AFF2: variants seen among roughly 807,000 people sequenced by gnomAD.
AFF2 encodes ALF transcription elongation factor 2.
AFF2 carries 14 observed loss-of-function variants against 76.9 expected under a neutral mutation model. The observed-to-expected ratio is 0.18, with a 90% CI of 0.12 to 0.28. The LOEUF is 0.28. Ranked by LOEUF, AFF2 falls within the 10% of genes least tolerant of loss-of-function variation. The pLI is 1.00. For synonymous variants in AFF2, 398 were observed against 366.7 expected, an observed-to-expected ratio of 1.09 and a Z score of -0.98; for missense variants, 868 against 1,001.1, an observed-to-expected ratio of 0.87 and a Z score of 1.79.
intron 1 of AFF2, among the ~76,000 whole-genome samples, chrX:148,522,406 A>G (rs1471993808): frequency 8.9e-6 from 1 of 112,489 alleles, no homozygotes; most frequent in Non-Finnish European, 1.9e-5. Context: ...TTAAGAGGTG[A>G]GAGTGGACTT....
chrX:148,621,177 CT>C (rs1431480162), intron 1 of AFF2, among the ~76,000 whole-genome samples: 1 of 111,605 alleles, frequency 9.0e-6, no homozygotes, highest in Non-Finnish European at 1.9e-5. Flanking sequence ...AGCAAGAGCC[CT>C]TTTATTGGAC....
rs1291540362 is a variant in AFF2, at chrX:148,995,208, C to T, written c.*3876C>T. On this transcript the variant is annotated 3_prime_UTR_variant, in exon 21 of 21. Coordinates refer to ENST00000370460, the MANE Select transcript of AFF2 (RefSeq NM_002025.4). ...TTATTCTCATAATTAAAATCTAATT[C>T]ATTTTCTCTTTAGTGTTAGTAGACT... 1 of 110,633 alleles carries T rather than the reference C, an allele frequency of 9.0e-6. No individual in the cohort carries two copies. The highest frequency in any genetic ancestry group is 2.9e-4 in the East Asian group (1 of 3,502). 9.1% of individuals were successfully genotyped at this position (110,633 alleles called of 1,213,427 possible).
At chrX:148,903,209 G>A (rs1412875032) in intron 8 of AFF2, among the ~76,000 whole-genome samples, 1 of 110,840 alleles carries the variant, frequency 9.0e-6, no homozygotes, top group African/African-American at 3.3e-5. Flanking sequence ...CAAACATAAC[G>A]TCTATAGCCT....
At chrX:148,566,120 A>G (rs1437377317) in intron 1 of AFF2, among the ~76,000 whole-genome samples, 3 of 111,508 alleles carry the variant, frequency 2.7e-5, no homozygotes, top group African/African-American at 9.8e-5. Context: ...CACTTGCAAC[A>G]ACTCTGTGAG....
chrX:148,781,219 G>A (rs1422067125), intron 3 of AFF2, among the ~76,000 whole-genome samples: 1 of 112,090 alleles, frequency 8.9e-6, no homozygotes, highest in Non-Finnish European at 1.9e-5. Context: ...CCCACTTGAG[G>A]AGGCAGTCTG....
chrX:148,852,593 A>C lies in AFF2; in HGVS notation c.1262+9160A>C, dbSNP rs187752116. Reference sequence around the variant, plus strand: ...TTTTTGTATATCACATGGTACAGAAAGAAACGAAGAAAACAATCTGGATGT... The same window carrying C: ...TTTTTGTATATCACATGGTACAGAACGAAACGAAGAAAACAATCTGGATGT... On this transcript the variant is annotated intron_variant, in intron 7 of 20. Coordinates refer to ENST00000370460, the MANE Select transcript of AFF2 (RefSeq NM_002025.4). 5.8e-3 allele frequency among the ~76,000 whole-genome samples: 646 copies of C among 111,432 alleles called. 5 individuals carry two copies. Among genetic ancestry groups the C allele is most frequent in the African/African-American group, 0.02 (621 of 30,691 alleles).
intron 1 of AFF2, among the ~76,000 whole-genome samples, chrX:148,615,466 A>G (rs1557250192): frequency 8.9e-6 from 1 of 112,073 alleles, no homozygotes; most frequent in Non-Finnish European, 1.9e-5. Context: ...AAATTACTGT[A>G]TGTGAAATTA....
chrX:148,975,943 C>CAAAAAAAAAAA (rs59057839), intron 16 of AFF2, among the ~76,000 whole-genome samples: 13 of 22,715 alleles, frequency 5.7e-4, no homozygotes, highest in African/African-American at 8.3e-4. Flanking sequence ...GACTCCGTCT[C>CAAAAAAAAAAA]AAAAAAAAAA....
chrX:148,880,228 T>A (rs1420031642), intron 7 of AFF2, among the ~76,000 whole-genome samples: 1 of 111,491 alleles, frequency 9.0e-6, no homozygotes, highest in African/African-American at 3.3e-5. Flanking sequence ...TAAATGTAGC[T>A]CCTCCTAAGG....
At chrX:148,882,216 A>G (rs2071105218) in intron 7 of AFF2, among the ~76,000 whole-genome samples, 1 of 111,749 alleles carries the variant, frequency 8.9e-6, no homozygotes, top group South Asian at 3.7e-4. Context: ...CAGTGCAAAG[A>G]GCCCTTGGAG....
intron 9 of AFF2, among the ~76,000 whole-genome samples, chrX:148,923,161 G>A (rs1191143819): frequency 1.8e-5 from 2 of 111,463 alleles, no homozygotes; most frequent in East Asian, 2.8e-4. Context: ...TATAAAGTAC[G>A]TGCACATTTC....
intron 9 of AFF2, among the ~76,000 whole-genome samples, chrX:148,948,826 C>T (rs2071931428): frequency 9.0e-6 from 1 of 111,077 alleles, no homozygotes; most frequent in Non-Finnish European, 1.9e-5. Context: ...GATCATCCAA[C>T]CCCACTTCAG....
intron 9 of AFF2, 158 bp downstream of exon 9, chrX:148,904,416 G>A: frequency 2.5e-6 from 1 of 405,208 alleles, no homozygotes; most frequent in African/African-American, 2.5e-5. Flanking sequence ...CCTCCAATGA[G>A]CAGGGACCAG....
chrX:148,692,046 C>CTT (rs66986683), intron 3 of AFF2, among the ~76,000 whole-genome samples: 2,499 of 101,946 alleles, frequency 0.025, 68 homozygotes, highest in African/African-American at 0.079. Context: ...CAAAAATGTT[C>CTT]TTTTTTTTTT....
rs185260946 is a variant in AFF2, at chrX:148,516,811, C to T, written c.47+15667C>T. Among the ~76,000 whole-genome samples the T allele has an allele frequency of 5.4e-5, 6 of 111,528 alleles. No homozygotes were observed. The East Asian group carries it at 1.7e-3, about 31-fold the overall frequency. Reference sequence around the variant, plus strand: ...CTTGAGATGTTGCTCAACGTTGGCCCCCTCTGAACAAGCTACTACTTGGAA... The same window carrying T: ...CTTGAGATGTTGCTCAACGTTGGCCTCCTCTGAACAAGCTACTACTTGGAA... On this transcript the variant is annotated intron_variant, in intron 1 of 20. Transcript: ENST00000370460.
At chrX:148,763,099 A>C (rs1603296394) in intron 3 of AFF2, among the ~76,000 whole-genome samples, 1 of 112,260 alleles carries the variant, frequency 8.9e-6, no homozygotes, top group Non-Finnish European at 1.9e-5. Context: ...TTGATTTCAA[A>C]AATCTTTTTT....
chrX:148,883,179 G>A (rs1317501471), intron 7 of AFF2, among the ~76,000 whole-genome samples: 2 of 111,652 alleles, frequency 1.8e-5, no homozygotes, highest in East Asian at 5.7e-4. Context: ...GAGAGAAACC[G>A]GAAGACCACA....
intron 12 of AFF2, among the ~76,000 whole-genome samples, chrX:148,958,675 A>G (rs1045182256): frequency 1.1e-4 from 12 of 111,849 alleles, no homozygotes; most frequent in African/African-American, 3.9e-4. Context: ...TGACTCCATG[A>G]GCTTTTAGCA....
intron 1 of AFF2, among the ~76,000 whole-genome samples, chrX:148,639,846 C>T (rs2054069906): frequency 9.0e-6 from 1 of 111,328 alleles, no homozygotes; most frequent in Non-Finnish European, 1.9e-5. Context: ...TTTGGTGTGC[C>T]GAGAATGTTT....
Sources: allele counts gnomAD v4.1 joint callset (sites outside exome capture counted in the v4.1 genomes callset), GRCh38; gene constraint gnomAD v4.1.1; transcripts MANE v1.5; gene names NCBI Gene and HGNC (gene_info 2026-07-23, HGNC 2026-07-21).